GPR107: variants seen among roughly 807,000 people sequenced by gnomAD.
GPR107 encodes G protein-coupled receptor 107, also known as protein GPR107.
A neutral mutation model predicts 75.5 loss-of-function variants in GPR107; 31 were observed. That is an observed-to-expected ratio of 0.41 (90% CI 0.31 to 0.55). GPR107 has a LOEUF of 0.55. Among genes scored for constraint, GPR107 ranks in the 20% least tolerant of loss-of-function variants. The pLI is 0.26. For missense variants in GPR107, 572 were observed against 665.7 expected (o/e 0.86, Z 1.55); for synonymous variants, 267 against 251.3 (o/e 1.06, Z -0.59).
chr9:130,130,574 T>A (rs1307525278), intron 17 of GPR107, among the ~76,000 whole-genome samples: 1 of 152,154 alleles, frequency 6.6e-6, no homozygotes, highest in African/African-American at 2.4e-5. Flanking sequence ...TTTTTAGTTA[T>A]AGAAATGGAT....
intron 1 of GPR107, among the ~76,000 whole-genome samples, chr9:130,062,632 T>TGCCTG (rs1564657571): frequency 1.1e-4 from 15 of 137,006 alleles, no homozygotes; most frequent in Non-Finnish European, 1.9e-4. Context: ...CTTCCTGCCT[T>TGCCTG]CCTGCCTGCC....
intron 8 of GPR107, 96 bp from the exon 9 acceptor site, chr9:130,092,152 T>A (rs1667441919): frequency 9.2e-7 from 1 of 1,083,556 alleles, no homozygotes; most frequent in Non-Finnish European, 1.4e-6. Flanking sequence ...TGGTACTTAC[T>A]TTCTTAAGCT....
At chr9:130,120,643 C>T (rs1831525646) in intron 14 of GPR107, among the ~76,000 whole-genome samples, 1 of 152,252 alleles carries the variant, frequency 6.6e-6, no homozygotes, top group Admixed American at 6.5e-5. Flanking sequence ...TCCTCGATCG[C>T]TCTGCATCGA....
chr9:130,094,986 T>TCA (rs1253765958), intron 9 of GPR107, among the ~76,000 whole-genome samples: 2 of 151,028 alleles, frequency 1.3e-5, no homozygotes, highest in East Asian at 3.9e-4. Context: ...CGGCCTCTGT[T>TCA]GTTTTTTTTT....
chr9:130,072,120 C>T (rs745572516), intron 1 of GPR107, among the ~76,000 whole-genome samples: 1 of 151,428 alleles, frequency 6.6e-6, no homozygotes, highest in Non-Finnish European at 1.5e-5. Flanking sequence ...AGGCACACAC[C>T]ACCACACCTG....
At chr9:130,095,457 C>G (rs1203776076) in intron 9 of GPR107, among the ~76,000 whole-genome samples, 1 of 152,010 alleles carries the variant, frequency 6.6e-6, no homozygotes. Flanking sequence ...TGCAGTGGTG[C>G]AATCTTGGCT....
In GPR107 at chr9:130,103,743, C is replaced by T. The variant is rs1831093557; in HGVS notation, c.1132-677C>T. On this transcript the variant is annotated intron_variant, in intron 12 of 17. Coordinates refer to ENST00000347136, the MANE Select transcript of GPR107 (RefSeq NM_020960.5). The surrounding 1 kb of genome is among the most constrained non-coding windows in gnomAD (Gnocchi z 4.3). ...AGGGTGTTAAGTGCCACCTATCCAGCAGTCCAGCACCTGAGTGACTCCACT... is the reference window on the plus strand; with the variant it reads ...AGGGTGTTAAGTGCCACCTATCCAGTAGTCCAGCACCTGAGTGACTCCACT... Among the ~76,000 whole-genome samples, 1 of 152,230 alleles carries T rather than the reference C, an allele frequency of 6.6e-6. No individual in the cohort carries two copies. The highest frequency in any genetic ancestry group is 2.4e-5 in the African/African-American group (1 of 41,454).
At chr9:130,100,777 C>T (rs1831007646) in intron 11 of GPR107, 75 bp downstream of exon 11, 1 of 1,057,334 alleles carries the variant, frequency 9.5e-7, no homozygotes, top group Non-Finnish European at 1.5e-6. Context: ...CAACCTGCCC[C>T]AAGTTAACCA....
At chr9:130,126,047 ACT>A (rs987678997) in intron 15 of GPR107, among the ~76,000 whole-genome samples, 2 of 130,502 alleles carry the variant, frequency 1.5e-5, no homozygotes, top group East Asian at 2.2e-4. Flanking sequence ...ACAGAGCGAG[ACT>A]CTGTCTCAAA....
At chr9:130,110,507 A>G in intron 14 of GPR107, 1 of 757,678 alleles carries the variant, frequency 1.3e-6, no homozygotes, top group South Asian at 1.5e-5. Context: ...AATATCACAA[A>G]TACTCTGAAA....
chr9:130,099,510 C>G lies in GPR107; in HGVS notation c.917C>G (p.Ser306Cys), dbSNP rs1185318458. Residue 306 changes from serine (S) to cysteine (C), a missense_variant, in exon 10 of 18, where the codon TCT (serine) becomes TGT (cysteine). Ser to Cys is a moderately radical substitution (Grantham distance 112, BLOSUM62 -1). Transcript: ENST00000347136. The part of the protein sequence containing the change: ...WLMAALPFTK[S>C]LSLVFHAIDY... ...ATGGCGGCCCTTCCTTTCACCAAGT[C>G]TCTTTCCTTGGTGTTCCATGCAGTA... 3 of 1,595,564 alleles carry G rather than the reference C, an allele frequency of 1.9e-6. No individual in the cohort carries two copies. Among genetic ancestry groups the G allele is most frequent in the African/African-American group, 2.7e-5 (2 of 74,674 alleles).
intron 1 of GPR107, among the ~76,000 whole-genome samples, chr9:130,074,141 C>T (rs988190471): frequency 1.3e-5 from 2 of 152,104 alleles, no homozygotes; most frequent in Non-Finnish European, 2.9e-5. Context: ...GAACTGTGTC[C>T]CTCTGCTTCT....
intron 15 of GPR107, among the ~76,000 whole-genome samples, chr9:130,125,625 G>A (rs1379901586): frequency 1.5e-5 from 2 of 130,990 alleles, no homozygotes; most frequent in Admixed American, 8.7e-5. Flanking sequence ...TTTTTGAGAC[G>A]GAGTCTCGCT....
chr9:130,075,857 A>G (rs1006688438), intron 2 of GPR107, 108 bp downstream of exon 2: 12 of 572,482 alleles, frequency 2.1e-5, no homozygotes, highest in Admixed American at 1.8e-4. Context: ...ATCTCAGCTC[A>G]CTGCAACCTC....
intron 9 of GPR107, 87 bp from the exon 10 acceptor site, chr9:130,099,370 C>A: frequency 1.3e-6 from 1 of 776,454 alleles, no homozygotes. Context: ...TTCCTGTCTC[C>A]TTATAAATAT....
At chr9:130,089,750 A>G (rs765460956) in intron 7 of GPR107, among the ~76,000 whole-genome samples, 4 of 152,206 alleles carry the variant, frequency 2.6e-5, no homozygotes, top group African/African-American at 4.8e-5. Flanking sequence ...TGGCTAGCTC[A>G]GGGGATTAAA....
In GPR107 at chr9:130,104,491, G is replaced by A. The variant is rs370988064; in HGVS notation, c.1203G>A (p.Lys401=). ...GCACGACTGAATATGGCTTGTGGAA[G>A]GACTCTCTATTTCTGGTCGACCTGT... ...EEGTTEYGLW[K]DSLFLVDLLC... The change falls in exon 13 of 18, where the codon AAG becomes AAA. Residue 401 remains lysine (K), a synonymous_variant. Transcript: ENST00000347136. The A allele has an allele frequency of 9.3e-6, 15 of 1,613,186 alleles. No homozygotes were observed. The African/African-American group carries it at 1.6e-4, about 17-fold the overall frequency.
At chr9:130,074,299 C>G (rs1263101474) in intron 1 of GPR107, among the ~76,000 whole-genome samples, 2 of 152,202 alleles carry the variant, frequency 1.3e-5, no homozygotes, top group East Asian at 3.8e-4. Flanking sequence ...ATCTGCTCCA[C>G]AGCCTGTCCT....
chr9:130,114,986 C>G (rs1252920822), intron 14 of GPR107, among the ~76,000 whole-genome samples: 4 of 152,180 alleles, frequency 2.6e-5, no homozygotes, highest in Non-Finnish European at 5.9e-5. Context: ...TCTGTTGTAT[C>G]TGGGTGTGTT....
Sources: gnomAD v4.1 joint callset for allele counts (sites outside exome capture counted in the v4.1 genomes callset) on GRCh38, gnomAD v4.1.1 for gene constraint, Gnocchi (gnomAD v3.1) non-coding constraint, MANE v1.5 for transcripts, NCBI Gene and HGNC (gene_info 2026-07-23, HGNC 2026-07-21) for gene names.